CENPW: variants seen among roughly 807,000 people sequenced by gnomAD.
The protein encoded by CENPW is cancer-up-regulated gene 2 protein.
Under a neutral mutation model 11.1 loss-of-function variants are expected in CENPW, and 3 were observed. That is an observed-to-expected ratio of 0.27 (90% confidence interval 0.12 to 0.70). The LOEUF is 0.70. Among genes scored for constraint, CENPW ranks in the 30% least tolerant of loss-of-function variants. The pLI, the probability that CENPW is intolerant of heterozygous loss-of-function variation, is 0.77. For missense variants in CENPW, 100 were observed against 105.6 expected (o/e 0.95, Z 0.23); for synonymous variants, 38 against 42.0 (o/e 0.91, Z 0.37).
chr6:126,434,212 G>A, the CENPW span, among the ~76,000 whole-genome samples: 6 of 151,978 alleles, frequency 3.9e-5, no homozygotes, highest in African/African-American at 9.7e-5. Context: ...TTTTTGAATG[G>A]TAGTTTGCTT....
At chr6:126,446,207 G>A in the CENPW span, among the ~76,000 whole-genome samples, 3 of 150,982 alleles carry the variant, frequency 2.0e-5, no homozygotes, top group Non-Finnish European at 4.5e-5. Context: ...TTGGGAAAAC[G>A]GCTGCCAGGA....
chr6:126,470,937 G>C, the CENPW span, among the ~76,000 whole-genome samples: 1 of 152,188 alleles, frequency 6.6e-6, no homozygotes, highest in Non-Finnish European at 1.5e-5. Flanking sequence ...GTACCAACTT[G>C]CTTTTGATTT....
At chr6:126,462,629 G>C in the CENPW span, among the ~76,000 whole-genome samples, 1 of 150,316 alleles carries the variant, frequency 6.7e-6, no homozygotes, top group East Asian at 2.0e-4. Context: ...ATTCCTTTGA[G>C]CACTACCAGG....
intron 1 of CENPW, among the ~76,000 whole-genome samples, chr6:126,345,053 A>G (rs1398180801): frequency 6.6e-6 from 1 of 152,042 alleles, no homozygotes; most frequent in East Asian, 1.9e-4. Flanking sequence ...TAATATAAAT[A>G]AGAGTACTAC....
chr6:126,422,895 G>A, the CENPW span, among the ~76,000 whole-genome samples: 1 of 152,160 alleles, frequency 6.6e-6, no homozygotes, highest in Middle Eastern at 3.4e-3. Context: ...TAGAATGAAC[G>A]GGGCCTTCTG....
At chr6:126,438,958 A>G in the CENPW span, among the ~76,000 whole-genome samples, 1 of 151,804 alleles carries the variant, frequency 6.6e-6, no homozygotes, top group African/African-American at 2.4e-5. Flanking sequence ...GGTAGCTTAC[A>G]TAGATACAAA....
At chr6:126,424,360 A>G in the CENPW span, among the ~76,000 whole-genome samples, 5 of 152,270 alleles carry the variant, frequency 3.3e-5, no homozygotes, top group South Asian at 1.0e-3. Context: ...AGTATGATAT[A>G]CTAAATTACT....
the CENPW span, among the ~76,000 whole-genome samples, chr6:126,389,694 A>G: frequency 6.6e-6 from 1 of 151,488 alleles, no homozygotes; most frequent in African/African-American, 2.4e-5. Flanking sequence ...CTCATGGGGT[A>G]GAAAACCAGG....
At chr6:126,404,119 C>G in the CENPW span, among the ~76,000 whole-genome samples, 1 of 151,974 alleles carries the variant, frequency 6.6e-6, no homozygotes, top group Admixed American at 6.6e-5. Flanking sequence ...TATTTTAAGC[C>G]CACTGTTGAG....
At chr6:126,381,306 C>G in the CENPW span, among the ~76,000 whole-genome samples, 2 of 152,122 alleles carry the variant, frequency 1.3e-5, no homozygotes, top group African/African-American at 4.8e-5. Flanking sequence ...AGCAGTATCA[C>G]CCTTATTACT....
the CENPW span, among the ~76,000 whole-genome samples, chr6:126,456,642 G>A: frequency 6.6e-6 from 1 of 151,586 alleles, no homozygotes; most frequent in Admixed American, 6.6e-5. Context: ...CATAGACCCT[G>A]ACAAAGATTT....
chr6:126,427,649 A>G, the CENPW span, among the ~76,000 whole-genome samples: 1 of 152,206 alleles, frequency 6.6e-6, no homozygotes, highest in Non-Finnish European at 1.5e-5. Context: ...TTATTATATT[A>G]TGCATTTTTA....
At chr6:126,415,491 G>A in the CENPW span, among the ~76,000 whole-genome samples, 2 of 152,128 alleles carry the variant, frequency 1.3e-5, no homozygotes, top group African/African-American at 4.8e-5. Context: ...GAGACTTATA[G>A]AAGTTAAATC....
the CENPW span, among the ~76,000 whole-genome samples, chr6:126,398,922 C>T: frequency 3.3e-5 from 5 of 151,766 alleles, no homozygotes; most frequent in South Asian, 2.1e-4. Flanking sequence ...TATTTGATTC[C>T]GTTCCTGTGT....
Position 126,346,184 on chromosome 6 carries a change from CT to C in CENPW, c.127-19del. The C allele has an allele frequency of 7.0e-7, 1 of 1,437,038 alleles. No homozygotes were observed. Among genetic ancestry groups the C allele is most frequent in the Non-Finnish European group, 9.6e-7 (1 of 1,041,408 alleles). The allele number at this position is 1,437,038 out of a possible 1,614,324, so 89.0% of individuals were successfully genotyped here. On this transcript the variant is annotated intron_variant, in intron 1 of 2. Transcript: ENST00000368328. ...ATCAGTATTTGAGCTTAAAAATCCA[CT>C]TGGATTTTCTGTTTTAAAGGTCCAT...
intron 1 of CENPW, among the ~76,000 whole-genome samples, chr6:126,343,726 C>T (rs1469343926): frequency 6.6e-6 from 1 of 152,220 alleles, no homozygotes; most frequent in Non-Finnish European, 1.5e-5. Context: ...GAAGACTCAG[C>T]AAGTCAAGTA....
the CENPW span, among the ~76,000 whole-genome samples, chr6:126,472,762 A>G: frequency 6.6e-6 from 1 of 152,224 alleles, no homozygotes; most frequent in Non-Finnish European, 1.5e-5. Context: ...ACAGCTGTTC[A>G]GCATATGAGA....
At chr6:126,372,946 A>G in the CENPW span, among the ~76,000 whole-genome samples, 2 of 152,188 alleles carry the variant, frequency 1.3e-5, no homozygotes, top group African/African-American at 4.8e-5. Context: ...GGAATTTTAA[A>G]TGTTGCTTTG....
At chr6:126,481,331 T>C in the CENPW span, among the ~76,000 whole-genome samples, 3 of 151,976 alleles carry the variant, frequency 2.0e-5, no homozygotes, top group African/African-American at 7.2e-5. Context: ...TTGATAGGCA[T>C]ATTGTTTTAG....
Sources: allele counts gnomAD v4.1 joint callset (sites outside exome capture counted in the v4.1 genomes callset), GRCh38; gene constraint gnomAD v4.1.1; transcripts MANE v1.5; gene names NCBI Gene and HGNC (gene_info 2026-07-23, HGNC 2026-07-21).